ZNF710: variants seen among roughly 807,000 people sequenced by gnomAD.
ZNF710 encodes zinc finger protein 710.
Under a neutral mutation model 50.6 loss-of-function variants are expected in ZNF710, and 13 were observed. That is an observed-to-expected ratio of 0.26 (90% CI 0.17 to 0.41). The LOEUF (loss-of-function observed/expected upper bound fraction) is 0.41. ZNF710 is among the 10% of genes least tolerant of loss of function. The pLI is 1.00. For missense variants in ZNF710, 721 were observed against 936.6 expected, an observed-to-expected ratio of 0.77 and a Z score of 3.01; for synonymous variants, 383 against 397.0, an observed-to-expected ratio of 0.96 and a Z score of 0.42.
chr15:90,032,322 C>T (rs560146779), intron 1 of ZNF710, among the ~76,000 whole-genome samples: 30 of 152,222 alleles, frequency 2.0e-4, no homozygotes, highest in Admixed American at 1.4e-3. Context: ...ATTAACAGAA[C>T]GTTCTCTTTC....
chr15:90,036,295 A>T (rs1487441219), intron 1 of ZNF710, among the ~76,000 whole-genome samples: 6 of 128,920 alleles, frequency 4.7e-5, no homozygotes, highest in Non-Finnish European at 9.3e-5. Flanking sequence ...ATCTGGGGGA[A>T]CCCCTTTCAC....
At chr15:90,047,371 CCA>C (rs1343357608) in intron 1 of ZNF710, among the ~76,000 whole-genome samples, 1 of 152,160 alleles carries the variant, frequency 6.6e-6, no homozygotes, top group Non-Finnish European at 1.5e-5. Context: ...TGGTACCACC[CCA>C]CTTTAGTAAG....
intron 2 of ZNF710, among the ~76,000 whole-genome samples, chr15:90,069,357 G>A (rs746496134): frequency 2.6e-5 from 4 of 151,710 alleles, no homozygotes; most frequent in Non-Finnish European, 5.9e-5. Flanking sequence ...GCAGTGAGCT[G>A]AAATCACGAT....
At chr15:90,050,862 T>C (rs1313536266) in intron 1 of ZNF710, among the ~76,000 whole-genome samples, 1 of 152,204 alleles carries the variant, frequency 6.6e-6, no homozygotes, top group Admixed American at 6.5e-5. Context: ...TCTAGCCAAA[T>C]TGTGAGGTCC....
intron 1 of ZNF710, among the ~76,000 whole-genome samples, chr15:90,026,704 G>A (rs1000258780): frequency 4.6e-5 from 7 of 152,114 alleles, no homozygotes; most frequent in African/African-American, 1.7e-4. Context: ...TGGGGCAGGA[G>A]GAAAGAATAG....
Position 90,024,358 on chromosome 15 carries a change from G to A in ZNF710, c.-29+22744G>A, listed in dbSNP as rs375870718. Among the ~76,000 whole-genome samples, 67 of 152,266 alleles carry A rather than the reference G, an allele frequency of 4.4e-4. 1 individual carries two copies. The highest frequency in any genetic ancestry group is 1.3e-3 in the African/African-American group (53 of 41,548). On this transcript the variant is annotated intron_variant, in intron 1 of 4. Transcript: ENST00000268154. ...TCCTCCCTCTGACTCCTATGGACCC[G>A]GACCCCACCAGACTATGTTGGGGGT...
intron 4 of ZNF710, 39 bp downstream of exon 4, chr15:90,074,329 A>G: frequency 6.2e-7 from 1 of 1,606,526 alleles, no homozygotes; most frequent in South Asian, 1.1e-5. Context: ...CAGGAATGAT[A>G]CCAACATGAC....
At chr15:90,014,902 T>C (rs922224627) in intron 1 of ZNF710, among the ~76,000 whole-genome samples, 2 of 151,692 alleles carry the variant, frequency 1.3e-5, no homozygotes, top group African/African-American at 4.8e-5. Context: ...TTTTTTTTTT[T>C]TTTTTTTGAG....
At chr15:90,008,453 T>TATATATAC (rs1898208603) in intron 1 of ZNF710, among the ~76,000 whole-genome samples, 16 of 127,904 alleles carry the variant, frequency 1.3e-4, no homozygotes, top group African/African-American at 5.8e-4. Flanking sequence ...TATATATATA[T>TATATATAC]GTATATATAT....
chr15:90,052,767 C>G (rs1899685798), intron 1 of ZNF710, among the ~76,000 whole-genome samples: 1 of 152,122 alleles, frequency 6.6e-6, no homozygotes, highest in South Asian at 2.1e-4. Flanking sequence ...CCCATTTCTA[C>G]TAAAAATACA....
At chr15:90,048,974 C>A (rs1231424039) in intron 1 of ZNF710, among the ~76,000 whole-genome samples, 1 of 152,208 alleles carries the variant, frequency 6.6e-6, no homozygotes, top group Non-Finnish European at 1.5e-5. Context: ...TCCTTCCTTA[C>A]ACTTGATCTC....
intron 1 of ZNF710, among the ~76,000 whole-genome samples, chr15:90,048,949 T>C (rs760801632): frequency 6.6e-6 from 1 of 152,176 alleles, no homozygotes; most frequent in Non-Finnish European, 1.5e-5. Flanking sequence ...ACCGGGTCCA[T>C]TCCCAGCATC....
chr15:90,063,762 T>G (rs1900082763), intron 1 of ZNF710, among the ~76,000 whole-genome samples: 1 of 152,086 alleles, frequency 6.6e-6, no homozygotes, highest in East Asian at 1.9e-4. Flanking sequence ...TGGCTGACGT[T>G]TTTGCCCTCT....
intron 1 of ZNF710, among the ~76,000 whole-genome samples, chr15:90,052,619 T>G (rs1048651033): frequency 7.9e-5 from 12 of 152,330 alleles, no homozygotes; most frequent in Non-Finnish European, 1.5e-4. Context: ...TTTGCTCATC[T>G]GTAAAATGAA....
chr15:90,017,535 G>A (rs911797063), intron 1 of ZNF710, among the ~76,000 whole-genome samples: 1 of 151,998 alleles, frequency 6.6e-6, no homozygotes, highest in African/African-American at 2.4e-5. Flanking sequence ...CTTTTGGGCT[G>A]AGGAATGCTC....
intron 1 of ZNF710, among the ~76,000 whole-genome samples, chr15:90,013,870 G>A (rs1327329211): frequency 6.6e-6 from 1 of 152,056 alleles, no homozygotes; most frequent in Non-Finnish European, 1.5e-5. Flanking sequence ...GCGTTCACAG[G>A]CCACTGTTGC....
At chr15:90,036,263 T>C (rs1379371767) in intron 1 of ZNF710, among the ~76,000 whole-genome samples, 1 of 118,032 alleles carries the variant, frequency 8.5e-6, no homozygotes, top group Non-Finnish European at 1.6e-5. Flanking sequence ...TCTGTTTCTC[T>C]CTCCCTCTTT....
At chr15:90,025,463 C>T (rs1898749039) in intron 1 of ZNF710, 1 of 152,194 alleles carries the variant, frequency 6.6e-6, no homozygotes, top group East Asian at 1.9e-4. Context: ...CAAATTGCTC[C>T]ATAATCTCAC....
At chr15:90,064,972 G>A (rs115427654) in intron 1 of ZNF710, among the ~76,000 whole-genome samples, 1,830 of 152,230 alleles carry the variant, frequency 0.012, 36 homozygotes, top group African/African-American at 0.041. Context: ...GCTGGCACTC[G>A]AGGTCCTCGC....
Sources: allele counts gnomAD v4.1 joint callset (sites outside exome capture counted in the v4.1 genomes callset), GRCh38; gene constraint gnomAD v4.1.1; transcripts MANE v1.5; gene names NCBI Gene and HGNC (gene_info 2026-07-23, HGNC 2026-07-21).